The following RAP1GAP2 variants were observed in gnomAD, a reference collection of about 807,000 sequenced individuals.
The protein encoded by RAP1GAP2 is RAP1 GTPase activating protein 2, also known as rap1 GTPase-activating protein 2.
In RAP1GAP2, 27 loss-of-function variants were observed where a neutral mutation model predicts 95.0. That is an observed-to-expected ratio of 0.28 (90% CI 0.21 to 0.39). The LOEUF is 0.39. Ranked by LOEUF, RAP1GAP2 falls within the 10% of genes least tolerant of loss-of-function variation. The probability of loss-of-function intolerance (pLI) is 1.00; values close to 1 mark genes in which losing one functional copy is unlikely to be tolerated. For missense variants in RAP1GAP2, 771 were observed against 970.0 expected, an observed-to-expected ratio of 0.79 and a Z score of 2.72; for synonymous variants, 373 against 380.9, an observed-to-expected ratio of 0.98 and a Z score of 0.24.
chr17:2,812,787 C>T (rs978818931), intron 2 of RAP1GAP2, among the ~76,000 whole-genome samples: 2 of 151,884 alleles, frequency 1.3e-5, no homozygotes, highest in African/African-American at 4.8e-5. Context: ...GTCAGAAGTT[C>T]GAGACCAGCC....
intron 3 of RAP1GAP2, among the ~76,000 whole-genome samples, chr17:2,941,048 G>A (rs1172138534): frequency 6.6e-6 from 1 of 152,168 alleles, no homozygotes; most frequent in Non-Finnish European, 1.5e-5. Context: ...GGCAGGGTGT[G>A]GGTAGTGGTA....
intron 3 of RAP1GAP2, among the ~76,000 whole-genome samples, chr17:2,916,882 G>A (rs1276854314): frequency 1.3e-5 from 2 of 152,160 alleles, no homozygotes; most frequent in African/African-American, 2.4e-5. Context: ...CTTCGGGCCC[G>A]TGGCCTTCCA....
chr17:2,935,587 A>ACC (rs199670999), intron 3 of RAP1GAP2, among the ~76,000 whole-genome samples: 3 of 150,842 alleles, frequency 2.0e-5, no homozygotes, highest in African/African-American at 7.3e-5. Context: ...AATAAATGTC[A>ACC]CCCCCCCGCC....
intron 1 of RAP1GAP2, among the ~76,000 whole-genome samples, chr17:2,782,697 A>T (rs1207325361): frequency 6.6e-6 from 1 of 152,124 alleles, no homozygotes; most frequent in African/African-American, 2.4e-5. Context: ...ATCCCAGGGG[A>T]TAGTAGGTCC....
At chr17:2,927,483 G>A (rs561596814) in intron 3 of RAP1GAP2, among the ~76,000 whole-genome samples, 2 of 152,122 alleles carry the variant, frequency 1.3e-5, no homozygotes, top group African/African-American at 4.8e-5. Flanking sequence ...GCCGTCTCTC[G>A]GATTCCCTCT....
chr17:2,922,178 A>G (rs72819287), intron 3 of RAP1GAP2, among the ~76,000 whole-genome samples: 12,489 of 152,284 alleles, frequency 0.082, 703 homozygotes, highest in Middle Eastern at 0.17. Context: ...TGCGTCTAAG[A>G]TGACACCTTC....
chr17:3,005,566 G>T lies in RAP1GAP2; in HGVS notation c.1272+126G>T, dbSNP rs528742666. 3.0e-5 allele frequency: 33 copies of T among 1,108,358 alleles called. 1 individual carries two copies. Among genetic ancestry groups the T allele is most frequent in the Admixed American group, 1.7e-4 (10 of 58,050 alleles). 68.7% of individuals were successfully genotyped at this position (1,108,358 alleles called of 1,614,324 possible). A position where few individuals can be genotyped will look rare whatever the true frequency, so the allele number is the denominator to read the frequency against. ...TAGGGAGCTCCTTTTGCAGGTTTTG[G>T]GGGGAACCTCCTTTCTTGGGGTCTC... On this transcript the variant is annotated intron_variant, in intron 15 of 24. Coordinates refer to ENST00000254695, the MANE Select transcript of RAP1GAP2 (RefSeq NM_015085.5). This position sits in a 1 kb window ranked among gnomAD's most constrained non-coding sequence, Gnocchi z 5.2.
At chr17:2,805,941 T>C (rs1262678775) in intron 2 of RAP1GAP2, among the ~76,000 whole-genome samples, 1 of 152,056 alleles carries the variant, frequency 6.6e-6, no homozygotes, top group African/African-American at 2.4e-5. Context: ...CTAAAATCCA[T>C]TGCCTTGTAG....
rs1452240211 is a variant in RAP1GAP2 at position 3,027,781 on chromosome 17, G to T, written c.2107+711G>T. Among the ~76,000 whole-genome samples, 8 of 148,310 alleles carry T rather than the reference G, an allele frequency of 5.4e-5. No individual in the cohort carries two copies. The East Asian group carries it at 1.6e-3, about 30-fold the overall frequency. ...GTAGAGAGCAGGAGCAGAGGGGAGG[G>T]ATGGAGGGGAGGGGAGAGGAGGGGA... is the stretch of plus-strand genomic sequence containing the variant. On this transcript the variant is annotated intron_variant, in intron 22 of 24. Transcript: ENST00000254695. This position sits in a 1 kb window ranked among gnomAD's most constrained non-coding sequence, Gnocchi z 5.2.
rs1169410784 is a variant in RAP1GAP2, at chr17:3,027,761, G to C, written c.2107+691G>C. On this transcript the variant is annotated intron_variant, in intron 22 of 24. Coordinates refer to ENST00000254695, the MANE Select transcript of RAP1GAP2 (RefSeq NM_015085.5). This position sits in a 1 kb window ranked among gnomAD's most constrained non-coding sequence, Gnocchi z 5.2. ...GCTGAGTGTAGAATGGATTAGTAGA[G>C]AGCAGGAGCAGAGGGGAGGGATGGA... Among the ~76,000 whole-genome samples the C allele has an allele frequency of 4.2e-5, 6 of 141,638 alleles. No individual in the cohort carries two copies. Among genetic ancestry groups the C allele is most frequent in the African/African-American group, 1.6e-4 (6 of 38,700 alleles). 92.9% of individuals were successfully genotyped at this position (141,638 alleles called of 152,430 possible).
chr17:2,889,987 G>C (rs1312482294), intron 2 of RAP1GAP2, among the ~76,000 whole-genome samples: 1 of 148,700 alleles, frequency 6.7e-6, no homozygotes, highest in East Asian at 2.0e-4. Flanking sequence ...GCCTCCCAAA[G>C]TGCTGGGATT....
intron 16 of RAP1GAP2, 42 bp downstream of exon 16, chr17:3,006,083 G>GGTGGC: frequency 1.3e-6 from 2 of 1,505,864 alleles, no homozygotes; most frequent in Non-Finnish European, 1.8e-6. Context: ...TGACTGCTGG[G>GGTGGC]CCACCTGTTA....
intron 1 of RAP1GAP2, among the ~76,000 whole-genome samples, chr17:2,780,059 CTT>C (rs971269123): frequency 7.8e-4 from 118 of 151,936 alleles, no homozygotes; most frequent in African/African-American, 2.8e-3. Flanking sequence ...CTCCTCGTTC[CTT>C]TTTTTTGAGA....
chr17:2,767,917 G>A (rs899836574), intron 1 of RAP1GAP2, among the ~76,000 whole-genome samples: 3 of 152,092 alleles, frequency 2.0e-5, no homozygotes, highest in East Asian at 3.9e-4. Flanking sequence ...TGTATTTTTA[G>A]CAAACGAGGT....
chr17:2,820,507 C>G (rs1315318681), intron 2 of RAP1GAP2, among the ~76,000 whole-genome samples: 1 of 151,402 alleles, frequency 6.6e-6, no homozygotes, highest in African/African-American at 2.4e-5. Context: ...TGTAATCCAG[C>G]TACTAGGGTG....
intron 3 of RAP1GAP2, among the ~76,000 whole-genome samples, chr17:2,955,545 A>G (rs751810900): frequency 2.0e-5 from 3 of 152,212 alleles, no homozygotes; most frequent in Non-Finnish European, 4.4e-5. Context: ...CAATTTGCAA[A>G]TATTTCCTAG....
At chr17:2,988,522 T>C (rs1180772764) in intron 11 of RAP1GAP2, among the ~76,000 whole-genome samples, 1 of 152,246 alleles carries the variant, frequency 6.6e-6, no homozygotes, top group Non-Finnish European at 1.5e-5. Flanking sequence ...GCAAGATTAA[T>C]CCAAGTTCTT....
intron 3 of RAP1GAP2, among the ~76,000 whole-genome samples, chr17:2,938,287 C>G (rs564411321): frequency 1.3e-5 from 2 of 152,186 alleles, no homozygotes; most frequent in Admixed American, 1.3e-4. Context: ...AGTAGCTTGT[C>G]TGCCCCACAC....
intron 17 of RAP1GAP2, among the ~76,000 whole-genome samples, chr17:3,014,846 C>T (rs2046703329): frequency 6.6e-6 from 1 of 152,136 alleles, no homozygotes; most frequent in African/African-American, 2.4e-5. Context: ...CGTGAGCCAT[C>T]GCCCCTGGCC....
Sources: gnomAD v4.1 joint callset for allele counts (sites outside exome capture counted in the v4.1 genomes callset) on GRCh38, gnomAD v4.1.1 for gene constraint, Gnocchi (gnomAD v3.1) non-coding constraint, MANE v1.5 for transcripts, NCBI Gene and HGNC (gene_info 2026-07-23, HGNC 2026-07-21) for gene names.